The following SEC14L6 variants were observed in gnomAD, a reference collection of about 807,000 sequenced individuals.
The protein encoded by SEC14L6 is SEC14-like protein 6.
Under a neutral mutation model 54.1 loss-of-function variants are expected in SEC14L6, and 40 were observed. The observed-to-expected ratio is 0.74, with a 90% CI of 0.57 to 0.96. SEC14L6 has a LOEUF of 0.96. SEC14L6 is among the 40% of genes least tolerant of loss of function. SEC14L6 has a pLI of 0.00. For synonymous variants in SEC14L6, 171 were observed against 198.4 expected (o/e 0.86, Z 1.16); for missense variants, 471 against 498.3 (o/e 0.95, Z 0.52).
At chr22:30,545,429 C>G (rs2085788699) in intron 1 of SEC14L6, among the ~76,000 whole-genome samples, 1 of 151,500 alleles carries the variant, frequency 6.6e-6, no homozygotes, top group South Asian at 2.1e-4. Context: ...GGGTCTAGCT[C>G]TGTTGCCCAG....
At chr22:30,543,383 C>T in intron 1 of SEC14L6, 1 of 1,588,170 alleles carries the variant, frequency 6.3e-7, no homozygotes, top group East Asian at 2.2e-5. Context: ...GTGAATATCA[C>T]CTGCCAGGTG....
intron 6 of SEC14L6, among the ~76,000 whole-genome samples, chr22:30,530,536 G>A (rs2146258107): frequency 6.6e-6 from 1 of 152,282 alleles, no homozygotes; most frequent in African/African-American, 2.4e-5. Context: ...AAGTAGCTGA[G>A]ACCACCCCCA....
intron 7 of SEC14L6, 58 bp from the exon 8 acceptor site, chr22:30,529,228 C>G (rs916174467): frequency 6.5e-7 from 1 of 1,539,544 alleles, no homozygotes; most frequent in Non-Finnish European, 8.8e-7. Flanking sequence ...CAGGTGCCCA[C>G]CCGGTCACCG....
chr22:30,536,645 C>T (rs1481641537), intron 2 of SEC14L6, among the ~76,000 whole-genome samples: 4 of 152,174 alleles, frequency 2.6e-5, no homozygotes, highest in Non-Finnish European at 5.9e-5. Flanking sequence ...GCCACAGCTT[C>T]CTCCAATGCA....
chr22:30,535,213 T>G (rs1937105603), intron 2 of SEC14L6, among the ~76,000 whole-genome samples: 1 of 152,252 alleles, frequency 6.6e-6, no homozygotes, highest in African/African-American at 2.4e-5. Flanking sequence ...TATAAACAAA[T>G]GGGAGTGAGG....
rs930435102 is a variant in SEC14L6 at position 30,545,058 on chromosome 22, G to C, written c.54+1571C>G. On this transcript the variant is annotated intron_variant, in intron 1 of 11. Transcript: ENST00000402034. ...GCAAAACCCTATGATGGCAGGAATC[G>C]AGACCTCCAAGGACCCGTCGTTGCC... is the stretch of plus-strand genomic sequence containing the variant. Among the ~76,000 whole-genome samples, 5 of 151,924 alleles carry C rather than the reference G, an allele frequency of 3.3e-5. No homozygotes were observed. The South Asian group carries it at 1.0e-3, about 32-fold the overall frequency.
intron 1 of SEC14L6, among the ~76,000 whole-genome samples, chr22:30,542,347 C>G (rs2085733930): frequency 6.6e-6 from 1 of 152,242 alleles, no homozygotes; most frequent in African/African-American, 2.4e-5. Flanking sequence ...CCGCCTCCAG[C>G]CTCTCGCCAG....
At chr22:30,527,763 G>T (rs1203421224) in intron 8 of SEC14L6, among the ~76,000 whole-genome samples, 3 of 144,494 alleles carry the variant, frequency 2.1e-5, no homozygotes, top group Non-Finnish European at 3.0e-5. Flanking sequence ...ATTTTCCTTT[G>T]GGGGATAAAA....
chr22:30,524,862 G>T lies in SEC14L6; in HGVS notation c.*135C>A. 1 of 637,440 alleles carries T rather than the reference G, an allele frequency of 1.6e-6. No homozygotes were observed. 39.5% of individuals were successfully genotyped at this position (637,440 alleles called of 1,614,324 possible). On this transcript the variant is annotated 3_prime_UTR_variant, in exon 12 of 12. Transcript: ENST00000402034. ...GCCGTTCCTGAGGAGTGGGCCAGCT[G>T]TGATGCATAGGCTGTGACCTGCTGT...
At chr22:30,527,567 C>T (rs139132143) in intron 8 of SEC14L6, among the ~76,000 whole-genome samples, 7 of 151,912 alleles carry the variant, frequency 4.6e-5, no homozygotes, top group Non-Finnish European at 7.4e-5. Flanking sequence ...AAAGTCCTAA[C>T]ATGTAACCAG....
chr22:30,531,961 C>G lies in SEC14L6; in HGVS notation c.461G>C (p.Gly154Ala), dbSNP rs1936990528. 6.4e-7 allele frequency: 1 copy of G among 1,550,780 alleles called. No homozygotes were observed. The highest frequency in any genetic ancestry group is 8.7e-7 in the Non-Finnish European group (1 of 1,147,054). Residue 154 changes from glycine (G) to alanine (A), a missense_variant, in exon 6 of 12, where the codon GGT (glycine) becomes GCT (alanine). Physicochemically the swap from Gly to Ala is moderately conservative, Grantham distance 60. Transcript: ENST00000402034. ...ATCCCTCAGGCCCAGCCCTTCGAGA[C>G]CAAAAATAGCTATGATTTTCTCCAC... ...KRVEKIIAIFGLEGLGLRDLW... is the reference protein window; with the variant it reads ...KRVEKIIAIFALEGLGLRDLW...
At chr22:30,543,158 A>G in intron 1 of SEC14L6, 1 of 1,603,936 alleles carries the variant, frequency 6.2e-7, no homozygotes. Context: ...TTCCAGACCA[A>G]CGTGGACCCC....
chr22:30,539,102 C>A (rs759132769), intron 1 of SEC14L6, among the ~76,000 whole-genome samples, 200 bp from the exon 2 acceptor site: 3 of 152,118 alleles, frequency 2.0e-5, no homozygotes, highest in East Asian at 1.9e-4. Context: ...ACAGGCCAGG[C>A]GCGGTGGCTC....
Position 30,529,136 on chromosome 22 carries a change from G to A in SEC14L6, c.615C>T (p.Val205=). 6.4e-7 allele frequency: 1 copy of A among 1,551,174 alleles called. No homozygotes were observed. The highest frequency in any genetic ancestry group is 8.7e-7 in the Non-Finnish European group (1 of 1,147,204). ...PKLFAVAFNL[V]KSYMSEETRR... is the part of the protein sequence containing the mutation. ...GTGTCTCTTCACTCATGTAAGACTTGACCAGGTTGAAGGCTACGGCGAATA... is the reference window on the plus strand; with the variant it reads ...GTGTCTCTTCACTCATGTAAGACTTAACCAGGTTGAAGGCTACGGCGAATA... The change falls in exon 8 of 12, where the codon GTC becomes GTT. Residue 205 remains valine (V), a synonymous_variant. Transcript: ENST00000402034.
rs1936675959 is a variant in SEC14L6, at chr22:30,523,650, ACCTG to A, written c.*1343_*1346del. 6.6e-6 allele frequency: 1 copy of A among 152,140 alleles called. No individual in the cohort carries two copies. Among genetic ancestry groups the A allele is most frequent in the African/African-American group, 2.4e-5 (1 of 41,410 alleles). 9.4% of individuals were successfully genotyped at this position (152,140 alleles called of 1,614,324 possible). On this transcript the variant is annotated 3_prime_UTR_variant, in exon 12 of 12. Transcript: ENST00000402034. ...TGGGATTACAGGTGTGAGCCACTGC[ACCTG>A]GCCAGTTTGAAATCTTAATCAGGAG...
chr22:30,538,703 TAATA>T, intron 2 of SEC14L6, 120 bp downstream of exon 2: 1 of 678,914 alleles, frequency 1.5e-6, no homozygotes, highest in Non-Finnish European at 2.5e-6. Context: ...TCACGAGAGA[TAATA>T]AATGTTTGCA....
At chr22:30,533,366 C>A (rs1421130038) in intron 3 of SEC14L6, among the ~76,000 whole-genome samples, 1 of 152,078 alleles carries the variant, frequency 6.6e-6, no homozygotes, top group Non-Finnish European at 1.5e-5. Context: ...TTTGGGAGGC[C>A]AAGGTGGGTG....
At chr22:30,542,696 C>T (rs2085745247) in intron 1 of SEC14L6, 3 of 1,552,930 alleles carry the variant, frequency 1.9e-6, no homozygotes, top group Non-Finnish European at 2.6e-6. Flanking sequence ...CCTGAGAAGT[C>T]TGTATCAGTT....
rs1314668103 is a variant in SEC14L6, at chr22:30,524,774, T to C, written c.*223A>G. 6 of 490,342 alleles carry C rather than the reference T, an allele frequency of 1.2e-5. No individual in the cohort carries two copies. The highest frequency in any genetic ancestry group is 1.2e-4 in the African/African-American group (6 of 51,642). 30.4% of individuals were successfully genotyped at this position (490,342 alleles called of 1,614,324 possible). On this transcript the variant is annotated 3_prime_UTR_variant, in exon 12 of 12. Transcript: ENST00000402034. The stretch of plus-strand genomic sequence containing the variant: ...AGCTTGAGGTCACAGCAGGTCATAG[T>C]GGGGATGGAGTGTCTGTGTTGCTTT...
Sources: gnomAD v4.1 joint callset for allele counts (sites outside exome capture counted in the v4.1 genomes callset) on GRCh38, gnomAD v4.1.1 for gene constraint, MANE v1.5 for transcripts, NCBI Gene and HGNC (gene_info 2026-07-23, HGNC 2026-07-21) for gene names.